PAWR: variants seen among roughly 807,000 people sequenced by gnomAD.
PAWR encodes pro-apoptotic WT1 regulator.
Under a neutral mutation model 32.0 loss-of-function variants are expected in PAWR, and 23 were observed. That is an observed-to-expected ratio of 0.72 (90% confidence interval 0.52 to 1.02). The LOEUF is 1.02. Ranked by LOEUF, PAWR falls within the 50% of genes least tolerant of loss-of-function variation. The pLI is 0.00. For synonymous variants in PAWR, 226 were observed against 187.1 expected, an observed-to-expected ratio of 1.21 and a Z score of -1.70; for missense variants, 457 against 437.7, an observed-to-expected ratio of 1.04 and a Z score of -0.39.
chr12:79,620,178 G>A (rs996501530), intron 3 of PAWR, among the ~76,000 whole-genome samples: 46 of 152,128 alleles, frequency 3.0e-4, no homozygotes, highest in African/African-American at 1.0e-3. Flanking sequence ...TATTGTTGAA[G>A]ATGACTTCAG....
chr12:79,600,479 G>A (rs998282927), intron 4 of PAWR, among the ~76,000 whole-genome samples: 3 of 151,184 alleles, frequency 2.0e-5, no homozygotes, highest in Non-Finnish European at 4.4e-5. Flanking sequence ...TGCTTTTTTG[G>A]GGGGGCGGGG....
At chr12:79,627,889 G>C (rs1019124574) in intron 2 of PAWR, among the ~76,000 whole-genome samples, 4 of 152,062 alleles carry the variant, frequency 2.6e-5, no homozygotes, top group African/African-American at 9.7e-5. Flanking sequence ...GTCAACATTA[G>C]ACAGATCAAC....
Position 79,585,254 on chromosome 12 carries a change from T to C in PAWR, c.*7353A>G, listed in dbSNP as rs1873354754. On this transcript the variant is annotated 3_prime_UTR_variant, in exon 7 of 7. Coordinates refer to ENST00000328827, the MANE Select transcript of PAWR (RefSeq NM_002583.4). ...TTTGCTTAAAAATAGAAATGCATACTGCAGTGGCTCAAAAACTTAGGCCTG... is the reference window on the plus strand; with the variant it reads ...TTTGCTTAAAAATAGAAATGCATACCGCAGTGGCTCAAAAACTTAGGCCTG... 5.2e-6 allele frequency: 2 copies of C among 382,830 alleles called. No homozygotes were observed. Among genetic ancestry groups the C allele is most frequent in the Admixed American group, 6.9e-5 (2 of 28,822 alleles). The allele number at this position is 382,830 out of a possible 1,614,324, so 23.7% of individuals were successfully genotyped here.
At chr12:79,607,457 A>C (rs1351741750) in intron 4 of PAWR, among the ~76,000 whole-genome samples, 1 of 152,070 alleles carries the variant, frequency 6.6e-6, no homozygotes, top group Non-Finnish European at 1.5e-5. Flanking sequence ...GGCCAGGTAC[A>C]ATGGCTCGCA....
chr12:79,592,396 A>G lies in PAWR; in HGVS notation c.*211T>C, dbSNP rs991203413. ...TTATCTATCATTTAATAACTGAAAG[A>G]TATTACTTATTTGTGAGATAAAAGG... On this transcript the variant is annotated 3_prime_UTR_variant, in exon 7 of 7. Transcript: ENST00000328827. 17 of 456,886 alleles carry G rather than the reference A, an allele frequency of 3.7e-5. No homozygotes were observed. The East Asian group carries it at 4.6e-4, about 12-fold the overall frequency. 28.3% of individuals were successfully genotyped at this position (456,886 alleles called of 1,614,324 possible). A position where few individuals can be genotyped will look rare whatever the true frequency, so the allele number is the denominator to read the frequency against.
chr12:79,649,442 T>C (rs1055241221), intron 2 of PAWR, among the ~76,000 whole-genome samples: 1 of 152,032 alleles, frequency 6.6e-6, no homozygotes, highest in Non-Finnish European at 1.5e-5. Context: ...TGTTAGGATA[T>C]TTATTATAGC....
rs1873499559 is a variant in PAWR at position 79,589,976 on chromosome 12, T to G, written c.*2631A>C. On this transcript the variant is annotated 3_prime_UTR_variant, in exon 7 of 7. Transcript: ENST00000328827. ...TCAACACTTTTTATAAATTTTCAGG[T>G]GAAACTGTAGCAGATCCTACTTTAT... is the stretch of plus-strand genomic sequence containing the variant. The G allele has an allele frequency of 6.6e-6, 1 of 152,152 alleles. No individual in the cohort carries two copies. Among genetic ancestry groups the G allele is most frequent in the Admixed American group, 6.6e-5 (1 of 15,266 alleles). The allele number at this position is 152,152 out of a possible 1,614,324, so 9.4% of individuals were successfully genotyped here. A position where few individuals can be genotyped will look rare whatever the true frequency, so the allele number is the denominator to read the frequency against.
chr12:79,660,218 A>G (rs1877283590), intron 2 of PAWR, among the ~76,000 whole-genome samples: 2 of 152,198 alleles, frequency 1.3e-5, no homozygotes. Context: ...AGCCAAGGAA[A>G]ATGAAATGAG....
chr12:79,682,526 C>T (rs529130150), intron 2 of PAWR, among the ~76,000 whole-genome samples: 32 of 152,304 alleles, frequency 2.1e-4, no homozygotes, highest in Admixed American at 8.5e-4. Flanking sequence ...TTTTGCTGGA[C>T]AAAATCTCCA....
chr12:79,618,422 C>G (rs186359764), intron 3 of PAWR, among the ~76,000 whole-genome samples: 32 of 152,306 alleles, frequency 2.1e-4, no homozygotes, highest in African/African-American at 6.7e-4. Context: ...AGCCACTGCA[C>G]CAGGCCCTTA....
At chr12:79,659,509 A>G (rs1448211005) in intron 2 of PAWR, among the ~76,000 whole-genome samples, 2 of 152,180 alleles carry the variant, frequency 1.3e-5, no homozygotes, top group African/African-American at 4.8e-5. Context: ...TACAGAAGTA[A>G]TACATGACTA....
rs1255460826 is a variant in PAWR at position 79,689,947 on chromosome 12, G to A, written c.298C>T (p.Arg100Trp). Residue 100 changes from arginine (R) to tryptophan (W), a missense_variant, in exon 2 of 7, where the codon CGG becomes TGG. Arg to Trp is a moderately radical substitution (Grantham distance 101). Coordinates refer to ENST00000328827, the MANE Select transcript of PAWR (RefSeq NM_002583.4). The part of the protein sequence containing the change: ...NCAVGSAMLT[R>W]AAPGPRRSED... Reference sequence around the variant, plus strand: ...GACCGCCGCGGGCCGGGGGCCGCCCGCGTCAGCATGGCGGAGCCGACCGCG... The same window carrying A: ...GACCGCCGCGGGCCGGGGGCCGCCCACGTCAGCATGGCGGAGCCGACCGCG... The A allele has an allele frequency of 5.7e-6, 8 of 1,398,384 alleles. No homozygotes were observed. The highest frequency in any genetic ancestry group is 6.5e-6 in the Non-Finnish European group (7 of 1,083,510). The allele number at this position is 1,398,384 out of a possible 1,614,324, so 86.6% of individuals were successfully genotyped here.
chr12:79,631,209 G>A (rs1875607959), intron 2 of PAWR, among the ~76,000 whole-genome samples: 1 of 152,066 alleles, frequency 6.6e-6, no homozygotes, highest in South Asian at 2.1e-4. Flanking sequence ...ACATTTAGTG[G>A]TAAAAGAAAT....
chr12:79,690,358 G>C lies in PAWR; in HGVS notation c.-114C>G. 7.4e-7 allele frequency: 1 copy of C among 1,349,760 alleles called. No individual in the cohort carries two copies. The highest frequency in any genetic ancestry group is 9.5e-7 in the Non-Finnish European group (1 of 1,055,358). 83.6% of individuals were successfully genotyped at this position (1,349,760 alleles called of 1,614,324 possible). On this transcript the variant is annotated 5_prime_UTR_variant, in exon 2 of 7. Transcript: ENST00000328827. ...ATGCCAGGAGACGACCTCCAGGAGA[G>C]GGACGGCCGCCGCTCCCACAGCAGC...
chr12:79,689,929 G>C lies in PAWR; in HGVS notation c.316C>G (p.Arg106Gly). Residue 106 changes from arginine (R) to glycine (G), a missense_variant, in exon 2 of 7, where the codon CGG (arginine) becomes GGG (glycine). Arg to Gly is a moderately radical substitution (Grantham distance 125, BLOSUM62 -2). Coordinates refer to ENST00000328827, the MANE Select transcript of PAWR (RefSeq NM_002583.4). ...GCTGGGGGCTCGTCCTCCGACCGCC[G>C]CGGGCCGGGGGCCGCCCGCGTCAGC... ...AMLTRAAPGP[R>G]RSEDEPPAAS... The C allele has an allele frequency of 4.2e-6, 6 of 1,415,060 alleles. No homozygotes were observed. The highest frequency in any genetic ancestry group is 4.6e-6 in the Non-Finnish European group (5 of 1,090,328). The allele number at this position is 1,415,060 out of a possible 1,614,324, so 87.7% of individuals were successfully genotyped here. A position where few individuals can be genotyped will look rare whatever the true frequency, so the allele number is the denominator to read the frequency against.
rs77570295 is a variant in PAWR, at chr12:79,617,968, A to T, written c.648+3108T>A. 5.9e-5 allele frequency among the ~76,000 whole-genome samples: 9 copies of T among 152,312 alleles called. No individual in the cohort carries two copies. In the East Asian group the frequency reaches 1.7e-3, roughly 29 times the overall value. On this transcript the variant is annotated intron_variant, in intron 3 of 6. Coordinates refer to ENST00000328827, the MANE Select transcript of PAWR (RefSeq NM_002583.4). ...CCATGAGTAGCTCCCTGAGGGCCTCATAAGAAGCTGAGCACATGTTGATGC... is the reference window on the plus strand; with the variant it reads ...CCATGAGTAGCTCCCTGAGGGCCTCTTAAGAAGCTGAGCACATGTTGATGC...
In PAWR at chr12:79,626,088, C is replaced by T. The variant is rs546415597; in HGVS notation, c.517-4881G>A. On this transcript the variant is annotated intron_variant, in intron 2 of 6. Coordinates refer to ENST00000328827, the MANE Select transcript of PAWR (RefSeq NM_002583.4). ...CTGAGGCAGGAGAATGGAGTGAACC[C>T]GGGAGGCGGAGCTTGCAGTGAGCCA... Among the ~76,000 whole-genome samples the T allele has an allele frequency of 1.8e-3, 253 of 141,360 alleles. 1 individual carries two copies. Among genetic ancestry groups the T allele is most frequent in the Non-Finnish European group, 1.4e-3 (92 of 65,346 alleles). 92.7% of individuals were successfully genotyped at this position (141,360 alleles called of 152,430 possible). A position where few individuals can be genotyped will look rare whatever the true frequency, so the allele number is the denominator to read the frequency against.
intron 2 of PAWR, among the ~76,000 whole-genome samples, chr12:79,660,578 T>C (rs1224806112): frequency 4.0e-5 from 6 of 151,670 alleles, no homozygotes; most frequent in South Asian, 2.1e-4. Context: ...AAACATTTCA[T>C]TGTACTTTTT....
chr12:79,594,027 A>T (rs1873655966), intron 6 of PAWR, among the ~76,000 whole-genome samples: 3 of 151,884 alleles, frequency 2.0e-5, no homozygotes, highest in Admixed American at 1.3e-4. Context: ...TCTTGAGGCA[A>T]CTCTGTGCCA....
Sources: allele counts gnomAD v4.1 joint callset (sites outside exome capture counted in the v4.1 genomes callset), GRCh38; gene constraint gnomAD v4.1.1; transcripts MANE v1.5; gene names NCBI Gene and HGNC (gene_info 2026-07-23, HGNC 2026-07-21).